The following CDH12 variants were observed in gnomAD, a reference collection of about 807,000 sequenced individuals.
The protein encoded by CDH12 is cadherin 12, also known as cadherin-12.
A neutral mutation model predicts 74.1 loss-of-function variants in CDH12; 41 were observed. The observed-to-expected ratio is 0.55, with a 90% confidence interval of 0.43 to 0.72. The LOEUF is 0.72. CDH12 is among the 30% of genes least tolerant of loss of function. CDH12 has a pLI of 0.00. For missense variants in CDH12, 945 were observed against 977.2 expected, an observed-to-expected ratio of 0.97 and a Z score of 0.44; for synonymous variants, 399 against 355.0, an observed-to-expected ratio of 1.12 and a Z score of -1.39.
chr5:22,594,178 G>T (rs776459200), intron 1 of CDH12, among the ~76,000 whole-genome samples: 2 of 152,176 alleles, frequency 1.3e-5, no homozygotes, highest in Non-Finnish European at 2.9e-5. Context: ...GGCAGGTAGA[G>T]CCCTAAATTT....
intron 4 of CDH12, among the ~76,000 whole-genome samples, chr5:22,210,944 G>T (rs1751496807): frequency 6.6e-6 from 1 of 152,122 alleles, no homozygotes; most frequent in Non-Finnish European, 1.5e-5. Flanking sequence ...AGGGAAAAGA[G>T]ATAGAAGTCT....
intron 1 of CDH12, among the ~76,000 whole-genome samples, chr5:22,827,652 C>T (rs1213156153): frequency 2.0e-5 from 3 of 152,082 alleles, no homozygotes; most frequent in Admixed American, 6.6e-5. Context: ...CTTAACTGTA[C>T]GTGTGCATCT....
chr5:22,757,575 A>G (rs141911946), intron 1 of CDH12, among the ~76,000 whole-genome samples: 1 of 152,228 alleles, frequency 6.6e-6, no homozygotes, highest in Non-Finnish European at 1.5e-5. Flanking sequence ...ATTAAAAGAA[A>G]AAAAGATTGT....
At chr5:22,449,234 G>C (rs1561412503) in intron 2 of CDH12, among the ~76,000 whole-genome samples, 1 of 151,938 alleles carries the variant, frequency 6.6e-6, no homozygotes, top group Non-Finnish European at 1.5e-5. Flanking sequence ...CAACACCCTT[G>C]AGCACAATTG....
At position 22,568,421 on chromosome 5, in the gene CDH12, G is replaced by A. The variant is rs374394162; in HGVS notation, c.-522-63057C>T. The stretch of plus-strand genomic sequence containing the variant: ...ATATGTCTACACTTGATGCCTCTGC[G>A]CATTTAGACTTCAGCTACAGTTACT... On this transcript the variant is annotated intron_variant, in intron 1 of 14. Coordinates refer to ENST00000382254, the MANE Select transcript of CDH12 (RefSeq NM_004061.5). 7.2e-5 allele frequency among the ~76,000 whole-genome samples: 11 copies of A among 152,230 alleles called. No homozygotes were observed. The East Asian group carries it at 1.4e-3, about 19-fold the overall frequency.
intron 4 of CDH12, among the ~76,000 whole-genome samples, chr5:22,107,689 A>T (rs944514231): frequency 2.0e-5 from 3 of 152,120 alleles, no homozygotes; most frequent in African/African-American, 4.8e-5. Context: ...TAATAAGAAG[A>T]AATAAAAAGG....
At chr5:22,306,285 T>C (rs1236083422) in intron 3 of CDH12, among the ~76,000 whole-genome samples, 1 of 151,826 alleles carries the variant, frequency 6.6e-6, no homozygotes, top group Non-Finnish European at 1.5e-5. Flanking sequence ...TCTAGTGAAG[T>C]GCCTGGTACA....
chr5:22,462,665 C>A (rs1163086546), intron 2 of CDH12, among the ~76,000 whole-genome samples: 1 of 152,080 alleles, frequency 6.6e-6, no homozygotes, highest in African/African-American at 2.4e-5. Flanking sequence ...ATTCCTTGAG[C>A]CCTGACAGAA....
intron 3 of CDH12, among the ~76,000 whole-genome samples, chr5:22,215,323 T>G (rs1489816089): frequency 6.6e-6 from 1 of 152,132 alleles, no homozygotes; most frequent in African/African-American, 2.4e-5. Context: ...TGGGAACATT[T>G]TCTAGATTTT....
At chr5:22,742,644 AACAG>A (rs1306374326) in intron 1 of CDH12, among the ~76,000 whole-genome samples, 1 of 151,980 alleles carries the variant, frequency 6.6e-6, no homozygotes, top group Non-Finnish European at 1.5e-5. Flanking sequence ...TGAATTAATT[AACAG>A]ACATATATCA....
At chr5:22,830,174 G>A (rs1016485756) in intron 1 of CDH12, among the ~76,000 whole-genome samples, 1 of 152,078 alleles carries the variant, frequency 6.6e-6, no homozygotes, top group Non-Finnish European at 1.5e-5. Context: ...GGTGAAACAT[G>A]AATTTCCGTC....
chr5:22,503,750 G>C (rs1335769210), intron 2 of CDH12, among the ~76,000 whole-genome samples: 1 of 151,960 alleles, frequency 6.6e-6, no homozygotes, highest in Non-Finnish European at 1.5e-5. Flanking sequence ...GTGAACCAAA[G>C]GACATTTGGG....
chr5:22,376,520 G>T (rs2126364909), intron 3 of CDH12, among the ~76,000 whole-genome samples: 1 of 151,998 alleles, frequency 6.6e-6, no homozygotes, highest in East Asian at 1.9e-4. Flanking sequence ...ACCCTGACTT[G>T]ATCATTACAC....
intron 6 of CDH12, among the ~76,000 whole-genome samples, chr5:21,868,402 G>A (rs919110301): frequency 2.0e-5 from 3 of 152,106 alleles, no homozygotes; most frequent in African/African-American, 7.2e-5. Flanking sequence ...AAACTGTAGG[G>A]CCATCAGCAT....
chr5:22,656,493 T>C (rs1455979324), intron 1 of CDH12, among the ~76,000 whole-genome samples: 1 of 152,144 alleles, frequency 6.6e-6, no homozygotes, highest in East Asian at 1.9e-4. Flanking sequence ...ATAGACATAG[T>C]GGAGATACAA....
chr5:22,333,319 G>A (rs1336581865), intron 3 of CDH12, among the ~76,000 whole-genome samples: 2 of 152,026 alleles, frequency 1.3e-5, no homozygotes, highest in African/African-American at 4.8e-5. Flanking sequence ...CTCTCGGGGG[G>A]TAGGGGGCAA....
chr5:22,039,530 C>T (rs536412952), intron 5 of CDH12, among the ~76,000 whole-genome samples: 1 of 152,244 alleles, frequency 6.6e-6, no homozygotes, highest in South Asian at 2.1e-4. Context: ...ACTGCAATTA[C>T]TTGTAGGCCC....
At position 22,704,548 on chromosome 5, in the gene CDH12, T is replaced by G. The variant is rs985057692; in HGVS notation, c.-523+148510A>C. Reference sequence around the variant, plus strand: ...CTGGGAAATAGTAAACTTTACAATTTTATACAACAAAGTATTATAATGTTT... The same window carrying G: ...CTGGGAAATAGTAAACTTTACAATTGTATACAACAAAGTATTATAATGTTT... On this transcript the variant is annotated intron_variant, in intron 1 of 14. Coordinates refer to ENST00000382254, the MANE Select transcript of CDH12 (RefSeq NM_004061.5). Among the ~76,000 whole-genome samples the G allele has an allele frequency of 1.1e-4, 16 of 152,258 alleles. 2 individuals carry two copies. Among genetic ancestry groups the G allele is most frequent in the Admixed American group, 1.0e-3 (16 of 15,266 alleles).
At chr5:22,123,450 A>T (rs549931215) in intron 4 of CDH12, among the ~76,000 whole-genome samples, 1 of 152,326 alleles carries the variant, frequency 6.6e-6, no homozygotes, top group African/African-American at 2.4e-5. Flanking sequence ...TCTATGAAAA[A>T]GTCTGACTAA....
Sources: gnomAD v4.1 joint callset for allele counts (sites outside exome capture counted in the v4.1 genomes callset) on GRCh38, gnomAD v4.1.1 for gene constraint, MANE v1.5 for transcripts, NCBI Gene and HGNC (gene_info 2026-07-23, HGNC 2026-07-21) for gene names.